The following POGZ variants were observed in gnomAD, a reference collection of about 807,000 sequenced individuals.
POGZ encodes pogo transposable element with ZNF domain.
POGZ carries 17 observed loss-of-function variants against 134.6 expected under a neutral mutation model. The ratio of observed to expected loss-of-function variants is 0.13; its 90% confidence interval spans 0.09 to 0.19. The LOEUF (loss-of-function observed/expected upper bound fraction) is 0.19, where lower values mean the gene tolerates loss of function less well. Among genes scored for constraint, POGZ ranks in the 10% least tolerant of loss-of-function variants. POGZ has a pLI of 1.00. For synonymous variants in POGZ, 693 were observed against 657.1 expected (o/e 1.05, Z -0.84); for missense variants, 1,306 against 1,769.7 (o/e 0.74, Z 4.70).
At position 151,403,812 on chromosome 1, in the gene POGZ, A is replaced by T. The variant is rs538463675; in HGVS notation, c.*990T>A. The stretch of plus-strand genomic sequence containing the variant: ...CTGTAGGACCAGTAATCCCTTAAAC[A>T]GGCATGCTCTCCATCTAACAGGATG... On this transcript the variant is annotated 3_prime_UTR_variant, in exon 19 of 19. Coordinates refer to ENST00000271715, the MANE Select transcript of POGZ (RefSeq NM_015100.4). 1.0e-6 allele frequency: 1 copy of T among 985,530 alleles called. No individual in the cohort carries two copies. The highest frequency in any genetic ancestry group is 4.7e-5 in the South Asian group (1 of 21,290). The allele number at this position is 985,530 out of a possible 1,614,324, so 61.0% of individuals were successfully genotyped here.
Position 151,405,338 on chromosome 1 carries a change from T to C in POGZ, c.3697A>G (p.Thr1233Ala). ...KGMLVMDCHR[T>A]HLSEEVLAML... ...GCCAGTACCTCTTCTGACAAGTGAG[T>C]GCGATGACAGTCCATCACAAGCATG... is the stretch of plus-strand genomic sequence containing the variant. Residue 1233 changes from threonine (T) to alanine (A), a missense_variant, in exon 19 of 19, where the codon ACT becomes GCT. By Grantham distance (58) the Thr-to-Ala change is moderately conservative. This residue lies in a region of POGZ where 3 missense variants were observed against 18.1 expected (regional missense o/e 0.17). Transcript: ENST00000271715. The surrounding 1 kb of genome is among the most constrained non-coding windows in gnomAD (Gnocchi z 4.9). The C allele has an allele frequency of 6.2e-7, 1 of 1,614,146 alleles. No individual in the cohort carries two copies. The highest frequency in any genetic ancestry group is 8.5e-7 in the Non-Finnish European group (1 of 1,180,016).
rs1444096875 is a variant in POGZ, at chr1:151,403,109, G to C, written c.*1693C>G. 3.8e-6 allele frequency: 2 copies of C among 529,088 alleles called. No individual in the cohort carries two copies. Among genetic ancestry groups the C allele is most frequent in the South Asian group, 8.2e-5 (1 of 12,190 alleles). 32.8% of individuals were successfully genotyped at this position (529,088 alleles called of 1,614,324 possible). On this transcript the variant is annotated 3_prime_UTR_variant, in exon 19 of 19. Transcript: ENST00000271715. ...GGAAGAGAAGCCCAGATGGATCCTTGGTTGTTTTCAGATGTCAAAGGTTCA... is the reference window on the plus strand; with the variant it reads ...GGAAGAGAAGCCCAGATGGATCCTTCGTTGTTTTCAGATGTCAAAGGTTCA...
At chr1:151,444,710 G>A (rs1661023295) in intron 1 of POGZ, among the ~76,000 whole-genome samples, 1 of 152,228 alleles carries the variant, frequency 6.6e-6, no homozygotes, top group African/African-American at 2.4e-5. Context: ...TTTATCTTAA[G>A]TATTTACAAT....
At chr1:151,430,637 G>A in intron 4 of POGZ, 29 bp downstream of exon 4, 2 of 1,569,622 alleles carry the variant, frequency 1.3e-6, no homozygotes, top group Non-Finnish European at 1.7e-6. Context: ...CTCTCCTCTA[G>A]CAACCTTGGA....
chr1:151,439,579 G>A (rs761671527), intron 3 of POGZ, among the ~76,000 whole-genome samples: 5 of 152,152 alleles, frequency 3.3e-5, no homozygotes, highest in Non-Finnish European at 5.9e-5. Flanking sequence ...TACACAGTAG[G>A]CAAGGACACA....
At position 151,429,723 on chromosome 1, in the gene POGZ, A is replaced by G; in HGVS notation, c.460-12T>C. The stretch of plus-strand genomic sequence containing the variant: ...CTTACAGGAAATCCCTGTATTAAAA[A>G]GCAAAATGATCTTTAACATGGAGAC... On this transcript the variant is annotated splice_polypyrimidine_tract_variant and intron_variant, in intron 4 of 18. Coordinates refer to ENST00000271715, the MANE Select transcript of POGZ (RefSeq NM_015100.4). 6.6e-7 allele frequency: 1 copy of G among 1,518,722 alleles called. No individual in the cohort carries two copies. 94.1% of individuals were successfully genotyped at this position (1,518,722 alleles called of 1,614,324 possible).
At chr1:151,456,508 G>T (rs374735399) in intron 1 of POGZ, among the ~76,000 whole-genome samples, 1 of 152,148 alleles carries the variant, frequency 6.6e-6, no homozygotes. Context: ...GCTACTCCAT[G>T]AAATAAGCCA....
At chr1:151,451,467 C>G (rs1031840077) in intron 1 of POGZ, among the ~76,000 whole-genome samples, 4 of 151,732 alleles carry the variant, frequency 2.6e-5, no homozygotes, top group African/African-American at 9.7e-5. Flanking sequence ...GCTGTAATTA[C>G]AGGCATGCGT....
chr1:151,404,630 T>G lies in POGZ; in HGVS notation c.*172A>C. 7.3e-7 allele frequency: 1 copy of G among 1,365,268 alleles called. No individual in the cohort carries two copies. The highest frequency in any genetic ancestry group is 9.4e-7 in the Non-Finnish European group (1 of 1,063,776). The allele number at this position is 1,365,268 out of a possible 1,614,324, so 84.6% of individuals were successfully genotyped here. ...ACGTGATTACTATTGGTTTTCCTAA[T>G]TAATCCACAAATCCACAGGGAAGTG... On this transcript the variant is annotated 3_prime_UTR_variant, in exon 19 of 19. Transcript: ENST00000271715.
In POGZ at chr1:151,412,355, G is replaced by A; in HGVS notation, c.1720C>T (p.Leu574=). 7 of 1,611,112 alleles carry A rather than the reference G, an allele frequency of 4.3e-6. No individual in the cohort carries two copies. The highest frequency in any genetic ancestry group is 5.1e-6 in the Non-Finnish European group (6 of 1,177,606). The change falls in exon 11 of 19, where the codon CTA becomes TTA. Residue 574 remains leucine (L), a synonymous_variant. Transcript: ENST00000271715. ...ICEWAFESEP[L]FLQHMKDTHK... ...GTATCCTTCATATGCTGGAGAAATA[G>A]TGGCTCACTTTCAAACGCCCATTCA...
intron 12 of POGZ, among the ~76,000 whole-genome samples, chr1:151,410,304 T>C (rs533164972): frequency 6.6e-5 from 10 of 152,370 alleles, no homozygotes; most frequent in Admixed American, 6.5e-4. Flanking sequence ...TCGTCTTCAT[T>C]TCCTTACCTC....
intron 3 of POGZ, among the ~76,000 whole-genome samples, chr1:151,433,292 A>C (rs1031553926): frequency 3.3e-5 from 5 of 152,182 alleles, no homozygotes; most frequent in African/African-American, 1.2e-4. Context: ...GGTCAAGTTT[A>C]AATTTTGGTG....
At chr1:151,406,684 C>T (rs1653709616) in intron 17 of POGZ, 53 bp from the exon 18 acceptor site, 1 of 1,470,224 alleles carries the variant, frequency 6.8e-7, no homozygotes, top group Non-Finnish European at 9.4e-7. Context: ...AATAAGCCCT[C>T]CAAAGACAGT....
At chr1:151,428,701 G>A (rs1040868645) in intron 5 of POGZ, among the ~76,000 whole-genome samples, 17 of 152,098 alleles carry the variant, frequency 1.1e-4, no homozygotes, top group Admixed American at 1.0e-3. Context: ...GCTTGACCTC[G>A]GTACTGGAAG....
chr1:151,430,992 G>A (rs1658605032), intron 3 of POGZ, 151 bp from the exon 4 acceptor site: 1 of 426,488 alleles, frequency 2.3e-6, no homozygotes, highest in Non-Finnish European at 3.6e-6. Context: ...CTGGAGCACA[G>A]TGGCACAGTC....
At position 151,428,235 on chromosome 1, in the gene POGZ, G is replaced by A. The variant is rs148175159; in HGVS notation, c.747C>T (p.Thr249=). 513 of 1,613,990 alleles carry A rather than the reference G, an allele frequency of 3.2e-4. 6 individuals are homozygous for A. In the East Asian group the frequency reaches 5.0e-3, roughly 16 times the overall value. Reference sequence around the variant, plus strand: ...TGGTAGAAGTGCTGGGAGTGGACTTGGTCTGCTGGGACTGGGACTGTGGGA... The same window carrying A: ...TGGTAGAAGTGCTGGGAGTGGACTTAGTCTGCTGGGACTGGGACTGTGGGA... ...STVPQSQSQQ[T]KSTPSTSTTP... The change falls in exon 6 of 19, where the codon ACC becomes ACT. Residue 249 remains threonine, a synonymous_variant. Transcript: ENST00000271715.
At chr1:151,436,224 C>G (rs569609659) in intron 3 of POGZ, among the ~76,000 whole-genome samples, 3 of 152,142 alleles carry the variant, frequency 2.0e-5, no homozygotes, top group African/African-American at 7.2e-5. Context: ...TCCCAAAGTG[C>G]TAGGATTACG....
intron 1 of POGZ, among the ~76,000 whole-genome samples, chr1:151,453,641 G>A (rs916542254): frequency 6.6e-6 from 1 of 151,910 alleles, no homozygotes; most frequent in Non-Finnish European, 1.5e-5. Flanking sequence ...TGATTTTTTT[G>A]TGCACTCAAT....
chr1:151,407,094 T>C (rs1653783986), intron 16 of POGZ, 71 bp from the exon 17 acceptor site: 1 of 1,340,324 alleles, frequency 7.5e-7, no homozygotes, highest in Admixed American at 1.9e-5. Context: ...GCTTTGAGGC[T>C]TAAGAAAGAA....
Sources: gnomAD v4.1 joint callset for allele counts (sites outside exome capture counted in the v4.1 genomes callset) on GRCh38, gnomAD v4.1.1 for gene constraint, gnomAD v4.1.1 regional missense constraint, Gnocchi (gnomAD v3.1) non-coding constraint, MANE v1.5 for transcripts, NCBI Gene and HGNC (gene_info 2026-07-23, HGNC 2026-07-21) for gene names.